PCID2: variants seen among roughly 807,000 people sequenced by gnomAD.
The protein encoded by PCID2 is PCI domain-containing protein 2.
PCID2 carries 41 observed loss-of-function variants against 61.3 expected under a neutral mutation model. That is an observed-to-expected ratio of 0.67 (90% CI 0.52 to 0.87). PCID2 has a LOEUF of 0.87. Ranked by LOEUF, PCID2 falls within the 40% of genes least tolerant of loss-of-function variation. PCID2 has a pLI of 0.00. For missense variants in PCID2, 392 were observed against 493.4 expected (o/e 0.79, Z 1.95); for synonymous variants, 187 against 177.8 (o/e 1.05, Z -0.41).
Position 113,180,059 on chromosome 13 carries a change from C to A in PCID2, c.861-17G>T, listed in dbSNP as rs369574171. On this transcript the variant is annotated splice_polypyrimidine_tract_variant and intron_variant, in intron 11 of 13. Coordinates refer to ENST00000337344, the MANE Select transcript of PCID2 (RefSeq NM_001127202.4). ...TTGCCCTCGCTGGTGAGGGGGGAGG[C>A]GCGTCAGAAGGAGGGTGAGTTTCTC... The A allele has an allele frequency of 1.2e-6, 2 of 1,613,472 alleles. No homozygotes were observed. The highest frequency in any genetic ancestry group is 8.5e-7 in the Non-Finnish European group (1 of 1,179,772).
rs1246789054 is a variant in PCID2, at chr13:113,180,241, A to T, written c.787-10T>A. The T allele has an allele frequency of 1.0e-5, 16 of 1,593,426 alleles. No homozygotes were observed. The highest frequency in any genetic ancestry group is 1.4e-5 in the Non-Finnish European group (16 of 1,161,664). On this transcript the variant is annotated splice_polypyrimidine_tract_variant and intron_variant, in intron 10 of 13. Coordinates refer to ENST00000337344, the MANE Select transcript of PCID2 (RefSeq NM_001127202.4). ...CAGTGGGCATGTGACCCTAAGAGTC[A>T]ATTTTCCAGAATGAAAATGCTTTCA...
At chr13:113,184,091 C>A (rs986372365) in intron 9 of PCID2, 1 of 863,710 alleles carries the variant, frequency 1.2e-6, no homozygotes, top group Non-Finnish European at 1.4e-6. Flanking sequence ...TGAGAACAGT[C>A]ATGCTCAGTG....
At chr13:113,196,963 T>C (rs2039059530) in intron 4 of PCID2, 1 of 1,221,494 alleles carries the variant, frequency 8.2e-7, no homozygotes, top group Non-Finnish European at 1.2e-6. Flanking sequence ...TCCTAACCAG[T>C]GTTCTTCCTT....
At position 113,208,640 on chromosome 13, in the gene PCID2, C is replaced by T; in HGVS notation, c.-6G>A. On this transcript the variant is annotated 5_prime_UTR_variant, in exon 1 of 14. Coordinates refer to ENST00000337344, the MANE Select transcript of PCID2 (RefSeq NM_001127202.4). Reference sequence around the variant, plus strand: ...TTAATGGTAATGTGCGCCATGGGAGCGCCGCCGAACGGAGAGCGCCACCCC... The same window carrying T: ...TTAATGGTAATGTGCGCCATGGGAGTGCCGCCGAACGGAGAGCGCCACCCC... 6 of 1,605,946 alleles carry T rather than the reference C, an allele frequency of 3.7e-6. No individual in the cohort carries two copies. Among genetic ancestry groups the T allele is most frequent in the Non-Finnish European group, 5.1e-6 (6 of 1,176,914 alleles).
Position 113,179,618 on chromosome 13 carries a change from T to C in PCID2, c.986+299A>G, listed in dbSNP as rs116359265. ...AGGGAGGGGAGTGAGTGGCGAGTCC[T>C]GTGTGCTCTGATGAAATGTGGTACC... On this transcript the variant is annotated intron_variant, in intron 12 of 13. Coordinates refer to ENST00000337344, the MANE Select transcript of PCID2 (RefSeq NM_001127202.4). This position sits in a 1 kb window ranked among gnomAD's most constrained non-coding sequence, Gnocchi z 4.3. 0.017 allele frequency among the ~76,000 whole-genome samples: 2,599 copies of C among 152,276 alleles called. 70 individuals are homozygous for C. Among genetic ancestry groups the C allele is most frequent in the African/African-American group, 0.058 (2,418 of 41,556 alleles).
At chr13:113,204,952 G>A (rs960519943) in intron 1 of PCID2, among the ~76,000 whole-genome samples, 1 of 152,272 alleles carries the variant, frequency 6.6e-6, no homozygotes, top group East Asian at 1.9e-4. Context: ...TGGCTCACCA[G>A]GGGATGCTCC....
chr13:113,174,769 C>T (rs1437519896), downstream of PCID2, among the ~76,000 whole-genome samples: 1 of 152,232 alleles, frequency 6.6e-6, no homozygotes, highest in Non-Finnish European at 1.5e-5. Flanking sequence ...TAAATGTGAG[C>T]CACCACGTCC....
chr13:113,205,589 C>G (rs1160699710), intron 1 of PCID2, among the ~76,000 whole-genome samples: 2 of 152,190 alleles, frequency 1.3e-5, no homozygotes, highest in Non-Finnish European at 2.9e-5. Flanking sequence ...GAGGAAACAA[C>G]TGAAGTGGTC....
chr13:113,208,544 A>ACGGAACACGCCGAGGG, intron 1 of PCID2, 55 bp downstream of exon 1: 1 of 1,590,772 alleles, frequency 6.3e-7, no homozygotes, highest in East Asian at 2.3e-5. Flanking sequence ...GAGGGGACAC[A>ACGGAACACGCCGAGGG]CGGAACACGC....
At chr13:113,173,723 G>T (rs761995653), downstream of PCID2, among the ~76,000 whole-genome samples, 30 of 152,130 alleles carry the variant, frequency 2.0e-4, no homozygotes, top group South Asian at 1.0e-3. Flanking sequence ...AATTCACTAG[G>T]GTGAATTTTA....
chr13:113,198,247 C>G lies in PCID2; in HGVS notation c.144G>C (p.Glu48Asp). Residue 48 changes from glutamate to aspartate, a missense_variant, in exon 3 of 14, where the codon GAG becomes GAC. Glu to Asp is a conservative substitution (Grantham distance 45). Around this residue, in one of 3 missense-constraint regions of PCID2, gnomAD observed 155 missense variants for 164.9 expected, o/e 0.94. Transcript: ENST00000337344. ...GGGGTTCCAAGACTTGTTGACACTT[C>G]TCCTCTGGAGAGGCCATCTGATTTT... is the stretch of plus-strand genomic sequence containing the variant. Reference protein sequence around the residue: ...NPRLQMASPEEKCQQVLEPPY... With the variant: ...NPRLQMASPEDKCQQVLEPPY... 3 of 1,608,170 alleles carry G rather than the reference C, an allele frequency of 1.9e-6. No homozygotes were observed. The highest frequency in any genetic ancestry group is 2.5e-6 in the Non-Finnish European group (3 of 1,177,128).
chr13:113,207,834 C>T (rs530887956), intron 1 of PCID2, among the ~76,000 whole-genome samples: 1 of 152,338 alleles, frequency 6.6e-6, no homozygotes, highest in East Asian at 1.9e-4. Flanking sequence ...TCCTCCGTGT[C>T]CCTCAGCCCA....
chr13:113,189,779 TTGGGAGG>T (rs998172346), intron 7 of PCID2, among the ~76,000 whole-genome samples: 1 of 150,268 alleles, frequency 6.7e-6, no homozygotes, highest in African/African-American at 2.4e-5. Flanking sequence ...TCCCAGCACT[TTGGGAGG>T]CCGAGGAGGG....
At chr13:113,204,201 G>C (rs915087360) in intron 1 of PCID2, among the ~76,000 whole-genome samples, 1 of 152,268 alleles carries the variant, frequency 6.6e-6, no homozygotes, top group African/African-American at 2.4e-5. Flanking sequence ...AGGAGCCTGA[G>C]AAGAGGAGTG....
At chr13:113,169,302 T>C in the PCID2 span, among the ~76,000 whole-genome samples, 2 of 152,238 alleles carry the variant, frequency 1.3e-5, no homozygotes, top group Non-Finnish European at 2.9e-5. Flanking sequence ...AAAATTTAAT[T>C]TAGGTTTTTA....
chr13:113,167,049 A>G, the PCID2 span, among the ~76,000 whole-genome samples: 1 of 152,220 alleles, frequency 6.6e-6, no homozygotes, highest in South Asian at 2.1e-4. Context: ...GAAGTTATTT[A>G]ACTGAATATA....
chr13:113,173,611 A>G (rs763051736), downstream of PCID2, among the ~76,000 whole-genome samples: 11 of 152,304 alleles, frequency 7.2e-5, no homozygotes, highest in Non-Finnish European at 1.6e-4. Context: ...CCAGAATTAA[A>G]CTTTTCTCCA....
chr13:113,184,814 C>T (rs58641400), intron 8 of PCID2, among the ~76,000 whole-genome samples: 6 of 145,618 alleles, frequency 4.1e-5, no homozygotes, highest in African/African-American at 1.3e-4. Context: ...GGAGGCTCTG[C>T]GAAGCCGTTC....
At chr13:113,171,408 C>T in the PCID2 span, among the ~76,000 whole-genome samples, 4 of 152,184 alleles carry the variant, frequency 2.6e-5, no homozygotes, top group South Asian at 4.1e-4. This position sits in a 1 kb window ranked among gnomAD's most constrained non-coding sequence, Gnocchi z 5.1. Context: ...TGGTTGCAAT[C>T]GTGCAATCTG....
Sources: gnomAD v4.1 joint callset for allele counts (sites outside exome capture counted in the v4.1 genomes callset) on GRCh38, gnomAD v4.1.1 for gene constraint, gnomAD v4.1.1 regional missense constraint, Gnocchi (gnomAD v3.1) non-coding constraint, MANE v1.5 for transcripts, NCBI Gene and HGNC (gene_info 2026-07-23, HGNC 2026-07-21) for gene names.